The following SLC4A4 variants were observed in gnomAD, a reference collection of about 807,000 sequenced individuals.
SLC4A4 encodes the protein electrogenic sodium bicarbonate cotransporter 1.
SLC4A4 carries 27 observed loss-of-function variants against 111.5 expected under a neutral mutation model. The observed-to-expected ratio is 0.24, with a 90% CI of 0.18 to 0.33. The LOEUF is 0.33. Ranked by LOEUF, SLC4A4 falls within the 10% of genes least tolerant of loss-of-function variation. SLC4A4 has a pLI of 1.00. For synonymous variants in SLC4A4, 443 were observed against 463.4 expected (o/e 0.96, Z 0.57); for missense variants, 909 against 1,315.5 (o/e 0.69, Z 4.78).
At chr4:71,255,739 G>T (rs12650549) in intron 3 of SLC4A4, among the ~76,000 whole-genome samples, 29,887 of 152,058 alleles carry the variant, frequency 0.2, 3,704 homozygotes, top group East Asian at 0.44. Context: ...TTTTTTGCAT[G>T]GTTTATGCTT....
In SLC4A4 at chr4:71,309,654, A is replaced by C. The variant is rs532541541; in HGVS notation, c.254-29716A>C. Among the ~76,000 whole-genome samples, 250 of 152,286 alleles carry C rather than the reference A, an allele frequency of 1.6e-3. 1 individual carries two copies. Among genetic ancestry groups the C allele is most frequent in the African/African-American group, 5.9e-3 (245 of 41,572 alleles). On this transcript the variant is annotated intron_variant, in intron 3 of 25. Transcript: ENST00000264485. Reference sequence around the variant, plus strand: ...GTCAACATCAACAAAAAGGACCCCCACACACAGAAACCCCATCCAAATGTC... The same window carrying C: ...GTCAACATCAACAAAAAGGACCCCCCCACACAGAAACCCCATCCAAATGTC...
At chr4:71,336,355 T>A (rs918958560) in intron 3 of SLC4A4, among the ~76,000 whole-genome samples, 2 of 152,354 alleles carry the variant, frequency 1.3e-5, no homozygotes, top group African/African-American at 2.4e-5. Flanking sequence ...CAGTTACTAT[T>A]GCTCTTTGAC....
intron 2 of SLC4A4, among the ~76,000 whole-genome samples, chr4:71,244,684 G>A (rs994158925): frequency 6.6e-6 from 1 of 151,890 alleles, no homozygotes; most frequent in Admixed American, 6.6e-5. Context: ...TCACACTAAA[G>A]CTAATACTAA....
chr4:71,239,357 T>C (rs1720032177), intron 2 of SLC4A4, among the ~76,000 whole-genome samples: 1 of 152,218 alleles, frequency 6.6e-6, no homozygotes, highest in Admixed American at 6.5e-5. Context: ...TAGTTCTTGT[T>C]ACTTTGAAAT....
chr4:71,474,770 A>G (rs1728207074), intron 14 of SLC4A4, among the ~76,000 whole-genome samples: 1 of 151,932 alleles, frequency 6.6e-6, no homozygotes, highest in Admixed American at 6.6e-5. Flanking sequence ...AGAATGCCAT[A>G]TAGTTATGAA....
At chr4:71,157,267 T>G (rs1315935481) in intron 2 of SLC4A4, among the ~76,000 whole-genome samples, 1 of 152,164 alleles carries the variant, frequency 6.6e-6, no homozygotes. Context: ...CCAAAGTTAG[T>G]AGTGTGTGTA....
chr4:71,358,030 T>C (rs1730438725), intron 6 of SLC4A4, among the ~76,000 whole-genome samples: 1 of 152,068 alleles, frequency 6.6e-6, no homozygotes. Context: ...TTAAGAGAGA[T>C]GAGGCCGGGC....
intron 7 of SLC4A4, among the ~76,000 whole-genome samples, chr4:71,403,641 G>GA (rs1185835204): frequency 2.6e-5 from 4 of 151,832 alleles, no homozygotes; most frequent in South Asian, 2.1e-4. Flanking sequence ...CAAGAAACAG[G>GA]AAAAAAAATA....
chr4:71,118,489 C>G (rs936196205), intron 2 of SLC4A4, among the ~76,000 whole-genome samples: 1 of 152,064 alleles, frequency 6.6e-6, no homozygotes, highest in Non-Finnish European at 1.5e-5. Context: ...GTACTTATCA[C>G]TTTATTTTGC....
intron 3 of SLC4A4, among the ~76,000 whole-genome samples, chr4:71,261,885 A>G (rs1721879323): frequency 1.3e-5 from 2 of 152,200 alleles, no homozygotes; most frequent in South Asian, 4.1e-4. Flanking sequence ...AAAGGGTTCT[A>G]GTGTACTCCA....
chr4:71,353,442 A>G (rs753347275), intron 5 of SLC4A4, among the ~76,000 whole-genome samples: 41 of 152,212 alleles, frequency 2.7e-4, no homozygotes, highest in Admixed American at 5.2e-4. Flanking sequence ...AGTGGGGAGA[A>G]GAGCATGTTT....
At chr4:71,235,967 T>G in intron 1 of SLC4A4, 1 of 899,960 alleles carries the variant, frequency 1.1e-6, no homozygotes, top group Non-Finnish European at 1.3e-6. Context: ...ATGTCAGATT[T>G]CCGTAAGGCC....
chr4:71,226,162 T>G (rs577132126), intron 1 of SLC4A4, among the ~76,000 whole-genome samples: 1 of 152,286 alleles, frequency 6.6e-6, no homozygotes, highest in East Asian at 1.9e-4. Flanking sequence ...GAGATAGATC[T>G]CACTATGTTG....
At chr4:71,417,698 G>A (rs1048487327) in intron 7 of SLC4A4, among the ~76,000 whole-genome samples, 2 of 152,048 alleles carry the variant, frequency 1.3e-5, no homozygotes, top group African/African-American at 2.4e-5. Flanking sequence ...TTTAAAATAT[G>A]CTCATTAAAA....
chr4:71,554,621 C>T (rs939428094), intron 20 of SLC4A4, among the ~76,000 whole-genome samples: 20 of 151,618 alleles, frequency 1.3e-4, no homozygotes, highest in African/African-American at 4.6e-4. Context: ...TTGCAAGAAG[C>T]GAGGGGATAG....
At position 71,236,571 on chromosome 4, in the gene SLC4A4, T is replaced by C. The variant is rs766743660; in HGVS notation, c.-1-5T>C. 10 of 1,612,536 alleles carry C rather than the reference T, an allele frequency of 6.2e-6. No individual in the cohort carries two copies. The highest frequency in any genetic ancestry group is 8.5e-6 in the Non-Finnish European group (10 of 1,178,768). On this transcript the variant is annotated splice_polypyrimidine_tract_variant and splice_region_variant and intron_variant, in intron 1 of 25. Coordinates refer to ENST00000264485, the MANE Select transcript of SLC4A4 (RefSeq NM_001098484.3). ...GCATTCTTTTTTTCTTTTTTATTAC[T>C]ATAGGATGGAGGATGAAGCTGTCCT...
chr4:71,165,048 A>C (rs1029978582), intron 2 of SLC4A4, among the ~76,000 whole-genome samples: 1 of 152,210 alleles, frequency 6.6e-6, no homozygotes, highest in Non-Finnish European at 1.5e-5. Context: ...AAAAGTCAGG[A>C]AACAACAAAT....
chr4:71,413,293 C>T (rs1721545819), intron 7 of SLC4A4, among the ~76,000 whole-genome samples: 1 of 152,182 alleles, frequency 6.6e-6, no homozygotes, highest in African/African-American at 2.4e-5. Context: ...TATATCTCAG[C>T]CCTGGAAAGA....
chr4:71,324,381 TA>T (rs1727348948), intron 3 of SLC4A4, among the ~76,000 whole-genome samples: 1 of 151,952 alleles, frequency 6.6e-6, no homozygotes, highest in African/African-American at 2.4e-5. Context: ...ATATTAATAA[TA>T]TGCTTAATAT....
Sources: allele counts gnomAD v4.1 joint callset (sites outside exome capture counted in the v4.1 genomes callset), GRCh38; gene constraint gnomAD v4.1.1; transcripts MANE v1.5; gene names NCBI Gene and HGNC (gene_info 2026-07-23, HGNC 2026-07-21).